The following MYLK variants were observed in gnomAD, a reference collection of about 807,000 sequenced individuals.
The protein encoded by MYLK is myosin light chain kinase.
In MYLK, 106 loss-of-function variants were observed where a neutral mutation model predicts 203.4. The ratio of observed to expected loss-of-function variants is 0.52; its 90% confidence interval spans 0.45 to 0.61. The LOEUF is 0.61. MYLK is among the 20% of genes least tolerant of loss of function. MYLK has a pLI of 0.00. For missense variants in MYLK, 2,072 were observed against 2,442.3 expected (o/e 0.85, Z 3.20); for synonymous variants, 867 against 959.5 (o/e 0.90, Z 1.78).
chr3:123,634,745 C>A (rs113303192), intron 29 of MYLK, among the ~76,000 whole-genome samples: 1 of 152,136 alleles, frequency 6.6e-6, no homozygotes, highest in Non-Finnish European at 1.5e-5. Context: ...TCCCCACAGG[C>A]AGCAAGGAAG....
At chr3:123,708,936 C>T (rs1342924839) in intron 14 of MYLK, 41 bp from the exon 15 acceptor site, 2 of 1,578,972 alleles carry the variant, frequency 1.3e-6, no homozygotes, top group Non-Finnish European at 1.7e-6. Context: ...TTAGGGAGGT[C>T]CTCCCCGGCC....
chr3:123,799,083 C>T (rs2065096450), intron 3 of MYLK, among the ~76,000 whole-genome samples: 4 of 152,018 alleles, frequency 2.6e-5, no homozygotes, highest in Admixed American at 2.6e-4. Flanking sequence ...AAGCTAAACA[C>T]AGATCAAAGG....
At chr3:123,649,085 T>C in intron 25 of MYLK, 21 bp from the exon 26 acceptor site, 16 of 1,613,970 alleles carry the variant, frequency 9.9e-6, no homozygotes, top group Non-Finnish European at 1.4e-5. Context: ...CAGGTCAGGG[T>C]TGGTGTGAGT....
chr3:123,638,452 G>A (rs935821307), intron 28 of MYLK, among the ~76,000 whole-genome samples: 3 of 152,140 alleles, frequency 2.0e-5, no homozygotes, highest in African/African-American at 4.8e-5. Flanking sequence ...TAAATCACCC[G>A]CCCCTGAATG....
intron 4 of MYLK, among the ~76,000 whole-genome samples, chr3:123,767,149 G>A (rs1200523780): frequency 6.6e-6 from 1 of 152,154 alleles, no homozygotes; most frequent in Non-Finnish European, 1.5e-5. Context: ...GATCCTCGGG[G>A]AGGAAGAATT....
In MYLK at chr3:123,877,285, C is replaced by A. The variant is rs912398074; in HGVS notation, c.-185-668G>T. 2.0e-5 allele frequency among the ~76,000 whole-genome samples: 3 copies of A among 152,054 alleles called. No individual in the cohort carries two copies. The East Asian group carries it at 5.8e-4, about 29-fold the overall frequency. Reference sequence around the variant, plus strand: ...ATAGAGGCCTGTGAATGGCTTAAGGCTGTTCTGTGTGAAACAGGGAGCCAC... The same window carrying A: ...ATAGAGGCCTGTGAATGGCTTAAGGATGTTCTGTGTGAAACAGGGAGCCAC... On this transcript the variant is annotated intron_variant, in intron 1 of 33. Transcript: ENST00000360304.
In MYLK at chr3:123,666,305, C is replaced by G; in HGVS notation, c.3745G>C (p.Val1249Leu). 1 of 1,614,204 alleles carries G rather than the reference C, an allele frequency of 6.2e-7. No homozygotes were observed. The highest frequency in any genetic ancestry group is 1.1e-5 in the South Asian group (1 of 91,084). The change falls in exon 22 of 34, where the codon GTA becomes CTA. Residue 1249 changes from valine to leucine, a missense_variant. Physicochemically the swap from Val to Leu is conservative, Grantham distance 32 (BLOSUM62 1). This residue lies in a region of MYLK where 865 missense variants were observed against 1,016.0 expected (regional missense o/e 0.85). Transcript: ENST00000360304. ...QIIQFPEDQK[V>L]RAGESVELFG... ...AGCTCCACTGACTCTCCTGCGCGTA[C>G]CTTCTGGTCCTCAGGGAACTGGATG...
intron 2 of MYLK, among the ~76,000 whole-genome samples, chr3:123,849,993 G>C (rs1261729743): frequency 6.6e-6 from 1 of 152,170 alleles, no homozygotes; most frequent in Non-Finnish European, 1.5e-5. Flanking sequence ...AATATGCGGT[G>C]TTTGGTTTTT....
intron 4 of MYLK, among the ~76,000 whole-genome samples, chr3:123,768,311 A>C (rs958494776): frequency 1.3e-5 from 2 of 152,216 alleles, no homozygotes; most frequent in African/African-American, 2.4e-5. Context: ...GGAAATGAAA[A>C]AAGCAATGTT....
At chr3:123,656,918 A>G (rs1182976554) in intron 24 of MYLK, among the ~76,000 whole-genome samples, 6 of 152,328 alleles carry the variant, frequency 3.9e-5, no homozygotes, top group African/African-American at 1.4e-4. Context: ...TTGCTGGTTC[A>G]ATGTTTTTTG....
chr3:123,768,703 G>A (rs1259275224), intron 4 of MYLK, among the ~76,000 whole-genome samples: 2 of 152,210 alleles, frequency 1.3e-5, no homozygotes, highest in Non-Finnish European at 1.5e-5. Context: ...CCTCCTTGTC[G>A]CAAAAGGGGA....
At chr3:123,649,326 T>C in intron 24 of MYLK, 132 bp from the exon 25 acceptor site, 2 of 1,183,480 alleles carry the variant, frequency 1.7e-6, no homozygotes, top group Non-Finnish European at 2.5e-6. Flanking sequence ...TCCAGAGCTC[T>C]GGGCATCCCC....
intron 3 of MYLK, among the ~76,000 whole-genome samples, chr3:123,794,206 T>TAATA (rs1404205828): frequency 8.5e-5 from 13 of 152,348 alleles, no homozygotes; most frequent in South Asian, 8.3e-4. Context: ...TAATCTGTAT[T>TAATA]TAATAGTCAC....
intron 23 of MYLK, among the ~76,000 whole-genome samples, chr3:123,661,704 A>G (rs751299564): frequency 2.0e-5 from 3 of 152,182 alleles, no homozygotes; most frequent in Non-Finnish European, 4.4e-5. Flanking sequence ...CACAGGGTAA[A>G]GAAACAAGGC....
Position 123,793,752 on chromosome 3 carries a change from T to C in MYLK, c.90A>G (p.Thr30=), listed in dbSNP as rs1483657032. 6.2e-7 allele frequency: 1 copy of C among 1,614,050 alleles called. No homozygotes were observed. The highest frequency in any genetic ancestry group is 8.5e-7 in the Non-Finnish European group (1 of 1,180,030). Residue 30 remains threonine, a synonymous_variant, in exon 4 of 34, where the codon ACA becomes ACG. Coordinates refer to ENST00000360304, the MANE Select transcript of MYLK (RefSeq NM_053025.4). Reference sequence around the variant, plus strand: ...GGGGCAAAATGAAAGCAGGGGCCTCTGTCAGGGGCATGGAGTCAACTCTTG... The same window carrying C: ...GGGGCAAAATGAAAGCAGGGGCCTCCGTCAGGGGCATGGAGTCAACTCTTG... ...DPSRVDSMPL[T]EAPAFILPPR...
chr3:123,769,893 G>A lies in MYLK; in HGVS notation c.166-17355C>T, dbSNP rs549005212. On this transcript the variant is annotated intron_variant, in intron 4 of 33. Coordinates refer to ENST00000360304, the MANE Select transcript of MYLK (RefSeq NM_053025.4). ...TGTTTTTGTTGAACATTTTTATTCC[G>A]TTGAATTTATTATTATTTATTATGA... 5.9e-5 allele frequency among the ~76,000 whole-genome samples: 9 copies of A among 152,172 alleles called. No homozygotes were observed. In the South Asian group the frequency reaches 8.3e-4, roughly 14 times the overall value.
At chr3:123,840,013 G>A (rs2066554147) in intron 2 of MYLK, among the ~76,000 whole-genome samples, 1 of 151,950 alleles carries the variant, frequency 6.6e-6, no homozygotes, top group Non-Finnish European at 1.5e-5. Flanking sequence ...GACATAAAAA[G>A]GCACAATATG....
intron 5 of MYLK, among the ~76,000 whole-genome samples, chr3:123,751,239 A>T (rs2063182746): frequency 6.6e-6 from 1 of 152,226 alleles, no homozygotes; most frequent in African/African-American, 2.4e-5. Context: ...TCAAGGCTTT[A>T]AGTGTCAGCC....
chr3:123,881,230 T>A (rs910042726), intron 1 of MYLK, among the ~76,000 whole-genome samples: 3 of 152,126 alleles, frequency 2.0e-5, no homozygotes, highest in African/African-American at 7.2e-5. Context: ...TCTGGCTCAC[T>A]GCTGGACGGT....
Sources: gnomAD v4.1 joint callset for allele counts (sites outside exome capture counted in the v4.1 genomes callset) on GRCh38, gnomAD v4.1.1 for gene constraint, gnomAD v4.1.1 regional missense constraint, MANE v1.5 for transcripts, NCBI Gene and HGNC (gene_info 2026-07-23, HGNC 2026-07-21) for gene names.